Variants in HMGB1 observed in about 807,000 individuals in gnomAD.
HMGB1 encodes the protein high mobility group protein B1.
For missense variants in HMGB1, 79 were observed against 253.5 expected (o/e 0.31, Z 4.67); for synonymous variants, 81 against 84.0 (o/e 0.96, Z 0.19).
At chr13:30,481,044 TG>T (rs142086072) in intron 1 of HMGB1, among the ~76,000 whole-genome samples, 7,364 of 151,798 alleles carry the variant, frequency 0.049, 605 homozygotes, top group African/African-American at 0.17. Flanking sequence ...CTCTTGTGTG[TG>T]TTTTTTTTTC....
At position 30,567,475 on chromosome 13, in the gene HMGB1, G is replaced by A. The variant is rs954620135; in HGVS notation, c.-15+49196C>T. 5.9e-5 allele frequency among the ~76,000 whole-genome samples: 9 copies of A among 151,576 alleles called. No individual in the cohort carries two copies. The South Asian group carries it at 6.2e-4, about 10-fold the overall frequency. On this transcript the variant is annotated intron_variant, in intron 1 of 4. Coordinates refer to the HMGB1 transcript ENST00000405805. ...AGCAATTCTCCTGCCTCAGTCTCCC[G>A]AGTAGCTGGGATTACAGGTGTGCAC...
intron 1 of HMGB1, among the ~76,000 whole-genome samples, chr13:30,602,924 C>T (rs1950417911): frequency 6.6e-6 from 1 of 152,192 alleles, no homozygotes; most frequent in African/African-American, 2.4e-5. Context: ...CCACCTCAGC[C>T]TCCCAAGGAG....
chr13:30,590,653 T>A (rs1419463659), intron 1 of HMGB1, among the ~76,000 whole-genome samples: 1 of 152,244 alleles, frequency 6.6e-6, no homozygotes, highest in East Asian at 1.9e-4. Flanking sequence ...TCTGAACTTG[T>A]GTCCCCTCAA....
At chr13:30,617,201 C>G (rs1950575121) in exon 1 of HMGB1, 2 of 152,214 alleles carry the variant, frequency 1.3e-5, no homozygotes, top group Non-Finnish European at 2.9e-5. Flanking sequence ...CCTGCGCTTT[C>G]GCTGCTCCCC....
chr13:30,536,791 C>T (rs1380886642), intron 1 of HMGB1, among the ~76,000 whole-genome samples: 1 of 152,040 alleles, frequency 6.6e-6, no homozygotes, highest in Non-Finnish European at 1.5e-5. Flanking sequence ...ATTTGCTTAG[C>T]TTTCTAGGTT....
Position 30,509,635 on chromosome 13 carries a change from A to G in HMGB1, c.-14-45941T>C, listed in dbSNP as rs1887946894. Among the ~76,000 whole-genome samples the G allele has an allele frequency of 3.3e-5, 5 of 152,186 alleles. No homozygotes were observed. In the South Asian group the frequency reaches 1.0e-3, roughly 32 times the overall value. On this transcript the variant is annotated intron_variant, in intron 1 of 4. Transcript: ENST00000405805. ...TGCCTGGGGATATGAAGATAATGAG[A>G]TAATGCAGGAATATGAGTGCAAAAC...
chr13:30,485,053 A>G (rs1452062210), intron 1 of HMGB1, among the ~76,000 whole-genome samples: 3 of 137,068 alleles, frequency 2.2e-5, no homozygotes, highest in African/African-American at 5.3e-5. Flanking sequence ...TTTTTTTGAG[A>G]CAGAGTCTCA....
intron 1 of HMGB1, among the ~76,000 whole-genome samples, chr13:30,591,279 G>A (rs184136734): frequency 1.8e-3 from 277 of 152,018 alleles, no homozygotes; most frequent in African/African-American, 6.4e-3. Context: ...TGATCCACCC[G>A]CCTCGGCCTC....
chr13:30,501,346 CTAGTT>C (rs535688430), intron 1 of HMGB1, among the ~76,000 whole-genome samples: 6 of 152,042 alleles, frequency 3.9e-5, no homozygotes, highest in Non-Finnish European at 5.9e-5. Context: ...CTGTGTACAT[CTAGTT>C]TAGTTTAGTT....
intron 1 of HMGB1, among the ~76,000 whole-genome samples, chr13:30,524,345 A>AG (rs1460417555): frequency 1.2e-3 from 40 of 34,130 alleles, no homozygotes; most frequent in Non-Finnish European, 2.3e-3. Context: ...ATTAAAAAAA[A>AG]AAAAAAAAAA....
chr13:30,520,893 C>T (rs2137474372), intron 1 of HMGB1, among the ~76,000 whole-genome samples: 1 of 152,274 alleles, frequency 6.6e-6, no homozygotes, highest in South Asian at 2.1e-4. Context: ...ATCATTCTCC[C>T]CACCTCTTTT....
intron 1 of HMGB1, among the ~76,000 whole-genome samples, chr13:30,505,935 G>A (rs1223808368): frequency 6.6e-6 from 1 of 151,876 alleles, no homozygotes; most frequent in African/African-American, 2.4e-5. Flanking sequence ...ATGTTCGCCA[G>A]GCTGGTCTTG....
At chr13:30,537,561 A>G (rs527408808) in intron 1 of HMGB1, among the ~76,000 whole-genome samples, 102 of 148,680 alleles carry the variant, frequency 6.9e-4, no homozygotes, top group African/African-American at 2.4e-3. Flanking sequence ...AAAAAAATGT[A>G]CTCTTTTGCT....
At chr13:30,581,326 G>A (rs1031488648) in intron 1 of HMGB1, among the ~76,000 whole-genome samples, 15 of 152,080 alleles carry the variant, frequency 9.9e-5, no homozygotes, top group Admixed American at 8.5e-4. Context: ...GATGATAGCT[G>A]AACAGACTAA....
chr13:30,616,302 A>G (rs537799865), intron 1 of HMGB1, among the ~76,000 whole-genome samples: 3 of 152,334 alleles, frequency 2.0e-5, no homozygotes, highest in African/African-American at 7.2e-5. Flanking sequence ...AAAAATACCA[A>G]ATTTACACTG....
intron 1 of HMGB1, among the ~76,000 whole-genome samples, chr13:30,489,003 G>C (rs1248004476): frequency 6.6e-6 from 1 of 152,064 alleles, no homozygotes; most frequent in African/African-American, 2.4e-5. Context: ...CCAATATTCA[G>C]CACAGCAAGC....
At chr13:30,512,545 G>T (rs1192682617) in intron 1 of HMGB1, among the ~76,000 whole-genome samples, 2 of 152,184 alleles carry the variant, frequency 1.3e-5, no homozygotes, top group African/African-American at 4.8e-5. Context: ...CATGGCATGG[G>T]CCCTGATCAG....
chr13:30,582,593 G>T (rs923624140), intron 1 of HMGB1, among the ~76,000 whole-genome samples: 5 of 151,744 alleles, frequency 3.3e-5, no homozygotes. Flanking sequence ...AGCTGAGATC[G>T]TGCCACTGCA....
chr13:30,562,561 T>C (rs1166678927), intron 1 of HMGB1, among the ~76,000 whole-genome samples: 3 of 152,194 alleles, frequency 2.0e-5, no homozygotes, highest in South Asian at 2.1e-4. Flanking sequence ...GAAGTTTATA[T>C]AGTGACAATA....
Sources: allele counts gnomAD v4.1 joint callset (sites outside exome capture counted in the v4.1 genomes callset), GRCh38; gene constraint gnomAD v4.1.1; transcripts MANE v1.5; gene names NCBI Gene and HGNC (gene_info 2026-07-23, HGNC 2026-07-21).